Variants in SPG11 observed in about 807,000 individuals in gnomAD.
The protein encoded by SPG11 is SPG11 vesicle trafficking associated, spatacsin, also known as spatacsin.
A neutral mutation model predicts 274.0 loss-of-function variants in SPG11; 222 were observed. The observed-to-expected ratio is 0.81, with a 90% CI of 0.73 to 0.91. SPG11 has a LOEUF of 0.91. Among genes scored for constraint, SPG11 ranks in the 40% least tolerant of loss-of-function variants. The pLI, the probability that SPG11 is intolerant of heterozygous loss-of-function variation, is 0.00. For missense variants in SPG11, 3,114 were observed against 2,872.7 expected (o/e 1.08, Z -1.92); for synonymous variants, 1,144 against 1,039.7 (o/e 1.10, Z -1.93).
In SPG11 at chr15:44,629,348, C is replaced by T. The variant is rs940988883; in HGVS notation, c.1776G>A (p.Ser592=). 8 of 1,614,068 alleles carry T rather than the reference C, an allele frequency of 5.0e-6. No individual in the cohort carries two copies. Among genetic ancestry groups the T allele is most frequent in the East Asian group, 2.2e-5 (1 of 44,874 alleles). Reference sequence around the variant, plus strand: ...GTTCAGAATAACTTTCTCTAATTGCCGAGCAAAGTAAATCCAATGCTGGTA... The same window carrying T: ...GTTCAGAATAACTTTCTCTAATTGCTGAGCAAAGTAAATCCAATGCTGGTA... The part of the protein sequence containing the change: ...ELIPALDLLC[S]AIRESYSEPQ... Residue 592 remains serine, a synonymous_variant, in exon 9 of 40, where the codon TCG becomes TCA. Transcript: ENST00000261866.
intron 36 of SPG11, 26 bp from the exon 37 acceptor site, chr15:44,566,331 C>CCGAGT: frequency 6.2e-7 from 1 of 1,603,524 alleles, no homozygotes; most frequent in East Asian, 2.2e-5. Context: ...AGAAGATTTG[C>CCGAGT]CGAGTCTGAC....
At chr15:44,570,178 T>G (rs1056312907) in intron 34 of SPG11, among the ~76,000 whole-genome samples, 1 of 152,180 alleles carries the variant, frequency 6.6e-6, no homozygotes, top group South Asian at 2.1e-4. Context: ...GTTGCCGACT[T>G]ACTTCAATTC....
intron 28 of SPG11, chr15:44,588,724 C>T (rs2082829981): frequency 2.7e-6 from 1 of 375,464 alleles, no homozygotes; most frequent in South Asian, 2.0e-5. Context: ...GTCCTAAGAC[C>T]AACCTTTGAT....
At chr15:44,572,615 G>C in intron 33 of SPG11, 68 bp downstream of exon 33, 1 of 1,564,922 alleles carries the variant, frequency 6.4e-7, no homozygotes, top group South Asian at 1.1e-5. Context: ...TCAAGTTTTG[G>C]AGAGACTGGG....
intron 20 of SPG11, among the ~76,000 whole-genome samples, chr15:44,604,787 G>A (rs1180499280): frequency 2.0e-5 from 3 of 151,430 alleles, no homozygotes; most frequent in Non-Finnish European, 4.4e-5. Flanking sequence ...AATTAGCCAG[G>A]CGTGGTGGTG....
chr15:44,570,596 T>C lies in SPG11; in HGVS notation c.6406A>G (p.Ile2136Val), dbSNP rs370189964. 2.2e-5 allele frequency: 36 copies of C among 1,613,970 alleles called. No homozygotes were observed. The highest frequency in any genetic ancestry group is 3.3e-5 in the Admixed American group (2 of 59,988). ...FTLTCHMEGI[I>V]RVLQAAHMLT... ...ATGTGGGCGGCCTGTAGGACTCGGATGATGCCCTCCATGTGGCACGTCAGG... is the reference window on the plus strand; with the variant it reads ...ATGTGGGCGGCCTGTAGGACTCGGACGATGCCCTCCATGTGGCACGTCAGG... The change falls in exon 34 of 40, where the codon ATC (isoleucine) becomes GTC (valine). Residue 2136 changes from isoleucine (I) to valine (V), a missense_variant. By Grantham distance (29) the Ile-to-Val change is conservative (BLOSUM62 3). Coordinates refer to ENST00000261866, the MANE Select transcript of SPG11 (RefSeq NM_025137.4).
intron 7 of SPG11, among the ~76,000 whole-genome samples, chr15:44,638,889 A>C (rs948020888): frequency 2.3e-4 from 35 of 152,078 alleles, no homozygotes; most frequent in African/African-American, 8.2e-4. Flanking sequence ...CTAGCTACTA[A>C]GGAGGCTGAG....
chr15:44,660,741 T>G, intron 1 of SPG11, 125 bp from the exon 2 acceptor site: 1 of 872,226 alleles, frequency 1.1e-6, no homozygotes, highest in Non-Finnish European at 1.8e-6. Context: ...CATTCTACAC[T>G]TCAATCTAAG....
Position 44,575,028 on chromosome 15 carries a change from A to C in SPG11, c.5880T>G (p.Asp1960Glu). 6.2e-7 allele frequency: 1 copy of C among 1,614,050 alleles called. No individual in the cohort carries two copies. The highest frequency in any genetic ancestry group is 8.5e-7 in the Non-Finnish European group (1 of 1,180,028). The change falls in exon 31 of 40, where the codon GAT (aspartate) becomes GAG (glutamate). Residue 1960 changes from aspartate (D) to glutamate (E), a missense_variant. Physicochemically the swap from Asp to Glu is conservative, Grantham distance 45. Transcript: ENST00000261866. ...LRRVHSTSSL[D>E]SQKFVTVPSS... ...AGGGCACTGTCACAAACTTCTGACTATCCAGACTTGAAGCTGGAAGCAAAT... is the reference window on the plus strand; with the variant it reads ...AGGGCACTGTCACAAACTTCTGACTCTCCAGACTTGAAGCTGGAAGCAAAT...
intron 7 of SPG11, 61 bp from the exon 8 acceptor site, chr15:44,633,698 T>C (rs1166016073): frequency 6.3e-5 from 97 of 1,548,080 alleles, no homozygotes; most frequent in Non-Finnish European, 7.2e-5. Context: ...AAAATCAGGA[T>C]TCAGATTTTT....
chr15:44,593,316 A>G (rs1053662138), intron 26 of SPG11, among the ~76,000 whole-genome samples: 13 of 151,974 alleles, frequency 8.6e-5, no homozygotes, highest in African/African-American at 2.7e-4. Context: ...CTCAGCTTCT[A>G]GAGTAGCTGG....
intron 20 of SPG11, among the ~76,000 whole-genome samples, chr15:44,600,856 T>TA (rs1162312485): frequency 2.6e-5 from 4 of 152,128 alleles, no homozygotes; most frequent in African/African-American, 7.2e-5. Context: ...AAAACTCTGG[T>TA]AAGAAATGAT....
intron 7 of SPG11, among the ~76,000 whole-genome samples, chr15:44,644,739 A>T (rs1173283451): frequency 3.9e-5 from 6 of 152,218 alleles, no homozygotes; most frequent in Admixed American, 3.9e-4. Flanking sequence ...CAGGATACAA[A>T]ATCAATGTAA....
At chr15:44,661,525 A>G (rs2085105822) in intron 1 of SPG11, among the ~76,000 whole-genome samples, 1 of 152,064 alleles carries the variant, frequency 6.6e-6, no homozygotes, top group Non-Finnish European at 1.5e-5. Flanking sequence ...AATAAAACTA[A>G]TAAGAGTACA....
At chr15:44,600,961 T>C (rs1348931442) in intron 20 of SPG11, among the ~76,000 whole-genome samples, 1 of 152,194 alleles carries the variant, frequency 6.6e-6, no homozygotes, top group Non-Finnish European at 1.5e-5. Flanking sequence ...GAGACCAGCC[T>C]GACCAAGTTG....
rs779268551 is a variant in SPG11, at chr15:44,584,480, A to AT, written c.5199dup (p.Cys1734MetfsTer3). Reference sequence around the variant, plus strand: ...GAATTTTTCTTAAAATTCTCATGGCATTTTTTCCAGAAGTCAATTCTTGCT... The same window carrying AT: ...GAATTTTTCTTAAAATTCTCATGGCATTTTTTTCCAGAAGTCAATTCTTGCT... On this transcript the variant is annotated frameshift_variant, in exon 30 of 40. Coordinates refer to ENST00000261866, the MANE Select transcript of SPG11 (RefSeq NM_025137.4). LOFTEE classifies it high-confidence loss of function. The AT allele has an allele frequency of 1.2e-6, 2 of 1,613,962 alleles. No individual in the cohort carries two copies. The highest frequency in any genetic ancestry group is 2.2e-5 in the South Asian group (2 of 91,082).
intron 30 of SPG11, 109 bp from the exon 31 acceptor site, chr15:44,575,150 T>G: frequency 7.4e-7 from 1 of 1,344,094 alleles, no homozygotes; most frequent in Non-Finnish European, 1.0e-6. Flanking sequence ...TGCACTCCCA[T>G]TACTCTGACT....
chr15:44,583,310 T>C (rs1269996771), intron 30 of SPG11, among the ~76,000 whole-genome samples: 1 of 152,128 alleles, frequency 6.6e-6, no homozygotes, highest in Non-Finnish European at 1.5e-5. Context: ...TGAAACCCGG[T>C]CTCTACTAAT....
At chr15:44,576,661 G>C (rs1027024048) in intron 30 of SPG11, among the ~76,000 whole-genome samples, 19 of 151,888 alleles carry the variant, frequency 1.3e-4, no homozygotes, top group African/African-American at 4.3e-4. Context: ...AAAAAAAAGA[G>C]AAAGAAGGGG....
Sources: gnomAD v4.1 joint callset for allele counts (sites outside exome capture counted in the v4.1 genomes callset) on GRCh38, gnomAD v4.1.1 for gene constraint, MANE v1.5 for transcripts, NCBI Gene and HGNC (gene_info 2026-07-23, HGNC 2026-07-21) for gene names.